The following KPNB1 variants were observed in gnomAD, a reference collection of about 807,000 sequenced individuals.
KPNB1 encodes the protein karyopherin subunit beta 1.
KPNB1 carries 7 observed loss-of-function variants against 113.0 expected under a neutral mutation model. The ratio of observed to expected loss-of-function variants is 0.06; its 90% CI spans 0.04 to 0.12. KPNB1 has a LOEUF of 0.12. KPNB1 is among the 10% of genes least tolerant of loss of function. The pLI is 1.00. For synonymous variants in KPNB1, 363 were observed against 378.6 expected (o/e 0.96, Z 0.48); for missense variants, 400 against 1,054.8 (o/e 0.38, Z 8.60).
intron 12 of KPNB1, among the ~76,000 whole-genome samples, chr17:47,672,582 G>T (rs2030483439): frequency 6.6e-6 from 1 of 151,922 alleles, no homozygotes; most frequent in African/African-American, 2.4e-5. Flanking sequence ...GTAGAGGTGG[G>T]GTTTCACCAT....
chr17:47,661,064 T>G, intron 5 of KPNB1, 55 bp from the exon 6 acceptor site: 7 of 1,412,982 alleles, frequency 5.0e-6, no homozygotes, highest in Non-Finnish European at 7.0e-6. Context: ...TCTGGAAATC[T>G]TCCTACGTAC....
chr17:47,680,785 T>C, intron 21 of KPNB1, 116 bp downstream of exon 21: 5 of 1,066,448 alleles, frequency 4.7e-6, no homozygotes, highest in Non-Finnish European at 6.7e-6. Context: ...TTGTACTTTT[T>C]CCCATGTAGG....
chr17:47,681,692 T>G (rs199753019), intron 21 of KPNB1, among the ~76,000 whole-genome samples: 10,422 of 137,700 alleles, frequency 0.076, 191 homozygotes, highest in Non-Finnish European at 0.12. Context: ...ATAGGTTTTT[T>G]TTTTTTTTTT....
chr17:47,659,163 A>G (rs984389876), intron 5 of KPNB1, among the ~76,000 whole-genome samples: 1 of 152,036 alleles, frequency 6.6e-6, no homozygotes, highest in East Asian at 1.9e-4. Flanking sequence ...CCTGACGAAC[A>G]TGGTGAAACC....
Position 47,651,449 on chromosome 17 carries a change from C to T in KPNB1, c.99+1005C>T, listed in dbSNP as rs1478204929. 3 of 638,630 alleles carry T rather than the reference C, an allele frequency of 4.7e-6. No individual in the cohort carries two copies. In the East Asian group the frequency reaches 4.1e-4, roughly 88 times the overall value. 39.6% of individuals were successfully genotyped at this position (638,630 alleles called of 1,614,324 possible). ...TGTTATATAGGCAAAATGTCAACAT[C>T]AACAAAGTGACAAGGCTTATTTTAT... On this transcript the variant is annotated intron_variant, in intron 2 of 21. Coordinates refer to ENST00000290158, the MANE Select transcript of KPNB1 (RefSeq NM_002265.6).
rs750268340 is a variant in KPNB1 at position 47,683,889 on chromosome 17, TGTG to T, written c.*1488_*1490del. On this transcript the variant is annotated 3_prime_UTR_variant, in exon 22 of 22. Coordinates refer to ENST00000290158, the MANE Select transcript of KPNB1 (RefSeq NM_002265.6). ...CTTGAATATTTTTTTAGAAGTGTGA[TGTG>T]GTATGATTACCATAAATCAGACTTA... 1 of 152,370 alleles carries T rather than the reference TGTG, an allele frequency of 6.6e-6. No homozygotes were observed. The highest frequency in any genetic ancestry group is 1.5e-5 in the Non-Finnish European group (1 of 68,022). 9.4% of individuals were successfully genotyped at this position (152,370 alleles called of 1,614,324 possible). A position where few individuals can be genotyped will look rare whatever the true frequency, so the allele number is the denominator to read the frequency against.
intron 3 of KPNB1, among the ~76,000 whole-genome samples, chr17:47,655,636 A>G (rs1351897656): frequency 1.3e-5 from 2 of 152,180 alleles, no homozygotes; most frequent in Non-Finnish European, 2.9e-5. Context: ...TTAGACAGTG[A>G]TCTACTGTGA....
chr17:47,681,646 G>A (rs2030780456), intron 21 of KPNB1, among the ~76,000 whole-genome samples: 2 of 146,754 alleles, frequency 1.4e-5, no homozygotes, highest in African/African-American at 2.5e-5. Flanking sequence ...GATTTTAGGT[G>A]ATCCACCCAC....
chr17:47,654,235 C>T (rs951554824), intron 3 of KPNB1, among the ~76,000 whole-genome samples: 1 of 151,834 alleles, frequency 6.6e-6, no homozygotes, highest in South Asian at 2.1e-4. Context: ...GCCAACATGG[C>T]GAAACCCTGT....
chr17:47,676,483 G>A lies in KPNB1; in HGVS notation c.1987G>A (p.Glu663Lys). 6.2e-7 allele frequency: 1 copy of A among 1,610,024 alleles called. No individual in the cohort carries two copies. Among genetic ancestry groups the A allele is most frequent in the Non-Finnish European group, 8.5e-7 (1 of 1,176,316 alleles). ...FLGIGLKNYA[E>K]YQVCLAAVGL... The stretch of plus-strand genomic sequence containing the variant: ...GGGCATTGGATTAAAAAATTATGCT[G>A]AATACCAGGTAGGATGTGCTTTTCA... Residue 663 changes from glutamate to lysine, a missense_variant, in exon 16 of 22, where the codon GAA becomes AAA. This residue lies in a region of KPNB1 where 115 missense variants were observed against 427.9 expected (regional missense o/e 0.27). Coordinates refer to ENST00000290158, the MANE Select transcript of KPNB1 (RefSeq NM_002265.6).
chr17:47,665,287 A>G, intron 9 of KPNB1, 129 bp downstream of exon 9: 1 of 706,478 alleles, frequency 1.4e-6, no homozygotes, highest in Non-Finnish European at 2.5e-6. Flanking sequence ...TGACTTAGAA[A>G]CAGCTAAGCT....
In KPNB1 at chr17:47,653,822, A is replaced by T. The variant is rs1915645758; in HGVS notation, c.282+946A>T. ...CTTCTGTCACCAATCTTGCATACCC[A>T]TGATAAGGAGCCGGGTTATTAAATC... On this transcript the variant is annotated intron_variant, in intron 3 of 21. Coordinates refer to ENST00000290158, the MANE Select transcript of KPNB1 (RefSeq NM_002265.6). 2.0e-5 allele frequency among the ~76,000 whole-genome samples: 3 copies of T among 152,190 alleles called. No homozygotes were observed. In the South Asian group the frequency reaches 6.2e-4, roughly 32 times the overall value.
At position 47,650,607 on chromosome 17, in the gene KPNB1, A is replaced by G. The variant is rs1264803739; in HGVS notation, c.99+163A>G. On this transcript the variant is annotated intron_variant, in intron 2 of 21. Transcript: ENST00000290158. ...CAACCCGGTCCAACCTAACCCCGCC[A>G]TCGGGAAGCCGGTGGGTGTGTCCCG... Among the ~76,000 whole-genome samples the G allele has an allele frequency of 2.3e-4, 15 of 65,376 alleles. No homozygotes were observed. The South Asian group carries it at 2.4e-3, about 11-fold the overall frequency. The allele number at this position is 65,376 out of a possible 152,430, so 42.9% of individuals were successfully genotyped here.
At chr17:47,652,996 T>C (rs1915620856) in intron 3 of KPNB1, 120 bp downstream of exon 3, 1 of 601,386 alleles carries the variant, frequency 1.7e-6, no homozygotes, top group South Asian at 3.7e-5. Flanking sequence ...GACCTCAACT[T>C]TACCTAAAGA....
At chr17:47,654,606 T>A (rs1249569732) in intron 3 of KPNB1, among the ~76,000 whole-genome samples, 1 of 151,270 alleles carries the variant, frequency 6.6e-6, no homozygotes, top group African/African-American at 2.4e-5. Flanking sequence ...TAGTTTCTCT[T>A]TTCTGATAAT....
Position 47,683,244 on chromosome 17 carries a change from C to A in KPNB1, c.*840C>A, listed in dbSNP as rs2030847014. On this transcript the variant is annotated 3_prime_UTR_variant, in exon 22 of 22. Coordinates refer to ENST00000290158, the MANE Select transcript of KPNB1 (RefSeq NM_002265.6). Reference sequence around the variant, plus strand: ...GTCAGAGCTCCTATCCTGATCTTTTCATCAAGGCGCCTTTCCTAATAATAT... The same window carrying A: ...GTCAGAGCTCCTATCCTGATCTTTTAATCAAGGCGCCTTTCCTAATAATAT... 7.8e-6 allele frequency: 1 copy of A among 128,570 alleles called. No homozygotes were observed. The highest frequency in any genetic ancestry group is 1.6e-5 in the Non-Finnish European group (1 of 64,116). 8.0% of individuals were successfully genotyped at this position (128,570 alleles called of 1,614,324 possible). A position where few individuals can be genotyped will look rare whatever the true frequency, so the allele number is the denominator to read the frequency against.
Position 47,652,891 on chromosome 17 carries a change from T to C in KPNB1, c.282+15T>C. The C allele has an allele frequency of 6.5e-7, 1 of 1,547,680 alleles. No homozygotes were observed. ...TCAAGAACTATGTGAGTAACGCTTATCTGTTTGGTTATATTGCCCAGAGAA... is the reference window on the plus strand; with the variant it reads ...TCAAGAACTATGTGAGTAACGCTTACCTGTTTGGTTATATTGCCCAGAGAA... On this transcript the variant is annotated intron_variant, in intron 3 of 21. Coordinates refer to ENST00000290158, the MANE Select transcript of KPNB1 (RefSeq NM_002265.6).
chr17:47,670,168 A>G (rs2143146659), intron 11 of KPNB1, among the ~76,000 whole-genome samples: 1 of 152,188 alleles, frequency 6.6e-6, no homozygotes, highest in East Asian at 1.9e-4. Context: ...TAAGGTAGAG[A>G]GTTTTTGGCT....
rs1176503251 is a variant in KPNB1 at position 47,672,250 on chromosome 17, T to A, written c.1548-768T>A. On this transcript the variant is annotated intron_variant, in intron 12 of 21. Transcript: ENST00000290158. ...CAAACTCCTGACACCTCAGGTGATC[T>A]GCCCACCTTGGCCTCCCAAAGTGCT... Among the ~76,000 whole-genome samples, 4 of 152,126 alleles carry A rather than the reference T, an allele frequency of 2.6e-5. No individual in the cohort carries two copies. The East Asian group carries it at 7.8e-4, about 29-fold the overall frequency.
Sources: gnomAD v4.1 joint callset for allele counts (sites outside exome capture counted in the v4.1 genomes callset) on GRCh38, gnomAD v4.1.1 for gene constraint, gnomAD v4.1.1 regional missense constraint, MANE v1.5 for transcripts, NCBI Gene and HGNC (gene_info 2026-07-23, HGNC 2026-07-21) for gene names.